GALNT10: variants seen among roughly 807,000 people sequenced by gnomAD.
The protein encoded by GALNT10 is GalNAc transferase 10.
Under a neutral mutation model 75.0 loss-of-function variants are expected in GALNT10, and 41 were observed. That is an observed-to-expected ratio of 0.55 (90% CI 0.43 to 0.71). The LOEUF (loss-of-function observed/expected upper bound fraction) is 0.71, where lower values mean the gene tolerates loss of function less well. GALNT10 is among the 30% of genes least tolerant of loss of function. The pLI is 0.00. For synonymous variants in GALNT10, 302 were observed against 313.0 expected (o/e 0.96, Z 0.37); for missense variants, 727 against 818.5 (o/e 0.89, Z 1.36).
intron 3 of GALNT10, among the ~76,000 whole-genome samples, chr5:154,324,686 C>T (rs1416692700): frequency 6.6e-6 from 1 of 151,970 alleles, no homozygotes; most frequent in Non-Finnish European, 1.5e-5. Flanking sequence ...CTGGGCCCCA[C>T]CCTGAGAGTT....
At chr5:154,287,016 CT>C (rs1243287237) in intron 1 of GALNT10, among the ~76,000 whole-genome samples, 1 of 152,214 alleles carries the variant, frequency 6.6e-6, no homozygotes, top group Non-Finnish European at 1.5e-5. Flanking sequence ...TTAAGTCTGA[CT>C]GTGGGGTACC....
rs1425220655 is a variant in GALNT10, at chr5:154,329,742, G to GGATC, written c.568+5_568+8dup. The GGATC allele has an allele frequency of 6.2e-7, 1 of 1,609,996 alleles. No homozygotes were observed. The highest frequency in any genetic ancestry group is 8.5e-7 in the Non-Finnish European group (1 of 1,176,650). On this transcript the variant is annotated splice_donor_region_variant and intron_variant, in intron 4 of 11. Coordinates refer to ENST00000297107, the MANE Select transcript of GALNT10 (RefSeq NM_198321.4). ...GTCGACGACTTCAGTGATCGAGGTA[G>GGATC]GATCCGTCCCACCCAGCCTCCCACC...
At chr5:154,349,761 A>G (rs1755179599) in intron 4 of GALNT10, 1 of 152,116 alleles carries the variant, frequency 6.6e-6, no homozygotes, top group Non-Finnish European at 1.5e-5. Flanking sequence ...TCAGTATGTT[A>G]GTGTTTATGA....
intron 4 of GALNT10, among the ~76,000 whole-genome samples, chr5:154,345,222 G>GAT (rs937061604): frequency 2.0e-5 from 3 of 151,952 alleles, no homozygotes; most frequent in Non-Finnish European, 2.9e-5. Context: ...GTGATGATCT[G>GAT]ATATATATAT....
intron 4 of GALNT10, among the ~76,000 whole-genome samples, chr5:154,343,147 C>G (rs1755060479): frequency 6.6e-6 from 1 of 151,886 alleles, no homozygotes; most frequent in African/African-American, 2.4e-5. Flanking sequence ...TCGGTGGAGT[C>G]CAGGAATCTG....
At chr5:154,294,451 A>G (rs1188921373) in intron 1 of GALNT10, among the ~76,000 whole-genome samples, 1 of 152,188 alleles carries the variant, frequency 6.6e-6, no homozygotes, top group Non-Finnish European at 1.5e-5. Context: ...AACTTCACCT[A>G]CTTTTTTAAA....
chr5:154,333,340 C>T (rs536861362), intron 4 of GALNT10, among the ~76,000 whole-genome samples: 14 of 152,194 alleles, frequency 9.2e-5, no homozygotes, highest in Non-Finnish European at 1.8e-4. Flanking sequence ...TGTCCCCACT[C>T]GCCTTGGGTG....
intron 3 of GALNT10, among the ~76,000 whole-genome samples, chr5:154,306,590 T>C (rs1754436171): frequency 6.6e-6 from 1 of 152,070 alleles, no homozygotes; most frequent in South Asian, 2.1e-4. Flanking sequence ...GGTCTAAAAT[T>C]GATGACATCA....
chr5:154,254,920 A>G (rs1753583998), intron 1 of GALNT10, among the ~76,000 whole-genome samples: 1 of 152,094 alleles, frequency 6.6e-6, no homozygotes, highest in Non-Finnish European at 1.5e-5. Flanking sequence ...CATCCTCTGC[A>G]TGTCTGCTTT....
chr5:154,350,011 C>T (rs1581986978), intron 4 of GALNT10, among the ~76,000 whole-genome samples: 1 of 152,154 alleles, frequency 6.6e-6, no homozygotes, highest in South Asian at 2.1e-4. Flanking sequence ...GCTCAATAGC[C>T]GTATGTAACT....
chr5:154,271,854 C>T (rs753357129), intron 1 of GALNT10, among the ~76,000 whole-genome samples: 2 of 152,202 alleles, frequency 1.3e-5, no homozygotes, highest in Non-Finnish European at 2.9e-5. Flanking sequence ...AGAGGAAAGG[C>T]TTTCCTCCCT....
chr5:154,268,693 T>C (rs909091399), intron 1 of GALNT10, among the ~76,000 whole-genome samples: 2 of 152,252 alleles, frequency 1.3e-5, no homozygotes, highest in Non-Finnish European at 2.9e-5. Flanking sequence ...AGATCAAACC[T>C]GAATTATCAG....
chr5:154,191,030 G>T lies in GALNT10; in HGVS notation c.159+5G>T. 1 of 1,421,302 alleles carries T rather than the reference G, an allele frequency of 7.0e-7. No individual in the cohort carries two copies. The highest frequency in any genetic ancestry group is 9.3e-7 in the Non-Finnish European group (1 of 1,079,162). 88.0% of individuals were successfully genotyped at this position (1,421,302 alleles called of 1,614,324 possible). ...GTGGCGCCGGCGGCGGGACAGGTGAGTCCCCCCGTTGCTACAGGCCGGGAA... is the reference window on the plus strand; with the variant it reads ...GTGGCGCCGGCGGCGGGACAGGTGATTCCCCCCGTTGCTACAGGCCGGGAA... On this transcript the variant is annotated splice_donor_5th_base_variant and intron_variant, in intron 1 of 11. Transcript: ENST00000297107.
At chr5:154,233,901 T>C (rs1201245289) in intron 1 of GALNT10, among the ~76,000 whole-genome samples, 1 of 152,262 alleles carries the variant, frequency 6.6e-6, no homozygotes, top group Non-Finnish European at 1.5e-5. Context: ...TTTCTCCTTA[T>C]TATCTGACCA....
Position 154,321,473 on chromosome 5 carries a change from A to C in GALNT10, c.402-8099A>C, listed in dbSNP as rs1754673022. Among the ~76,000 whole-genome samples, 5 of 151,948 alleles carry C rather than the reference A, an allele frequency of 3.3e-5. No homozygotes were observed. In the South Asian group the frequency reaches 1.0e-3, roughly 32 times the overall value. On this transcript the variant is annotated intron_variant, in intron 3 of 11. Coordinates refer to ENST00000297107, the MANE Select transcript of GALNT10 (RefSeq NM_198321.4). ...CAGGTGCCCACCACTACACCCGGCTAATTGTTTTTTTGTTAGTTTGTTTTT... is the reference window on the plus strand; with the variant it reads ...CAGGTGCCCACCACTACACCCGGCTCATTGTTTTTTTGTTAGTTTGTTTTT...
At chr5:154,403,737 G>GT (rs1352819339) in intron 7 of GALNT10, 4 of 313,802 alleles carry the variant, frequency 1.3e-5, no homozygotes, top group Non-Finnish European at 2.4e-5. Context: ...CTAAAACAGG[G>GT]TTTAAATTTT....
chr5:154,229,524 C>G (rs775105250), intron 1 of GALNT10, among the ~76,000 whole-genome samples: 2 of 151,498 alleles, frequency 1.3e-5, no homozygotes, highest in Non-Finnish European at 2.9e-5. Flanking sequence ...GTCAGGAGAT[C>G]GAGACCATCT....
intron 1 of GALNT10, among the ~76,000 whole-genome samples, chr5:154,222,504 G>T (rs1052473495): frequency 6.6e-6 from 1 of 152,142 alleles, no homozygotes; most frequent in Non-Finnish European, 1.5e-5. Flanking sequence ...TGGCTGGATT[G>T]TATGGTATAT....
At chr5:154,225,137 G>A (rs2113658410) in intron 1 of GALNT10, among the ~76,000 whole-genome samples, 1 of 151,324 alleles carries the variant, frequency 6.6e-6, no homozygotes, top group South Asian at 2.1e-4. Flanking sequence ...CTGTCACCCA[G>A]GCTGGAGTGT....
Sources: allele counts gnomAD v4.1 joint callset (sites outside exome capture counted in the v4.1 genomes callset), GRCh38; gene constraint gnomAD v4.1.1; transcripts MANE v1.5; gene names NCBI Gene and HGNC (gene_info 2026-07-23, HGNC 2026-07-21).